Variants in ANKRD10 observed in about 807,000 individuals in gnomAD.
ANKRD10 encodes ankyrin repeat domain-containing protein 10.
ANKRD10 carries 14 observed loss-of-function variants against 27.0 expected under a neutral mutation model. That is an observed-to-expected ratio of 0.52 (90% CI 0.34 to 0.81). ANKRD10 has a LOEUF of 0.81. Among genes scored for constraint, ANKRD10 ranks in the 40% least tolerant of loss-of-function variants. The probability of loss-of-function intolerance (pLI) is 0.01; values close to 1 mark genes in which losing one functional copy is unlikely to be tolerated. For synonymous variants in ANKRD10, 250 were observed against 224.5 expected (o/e 1.11, Z -1.01); for missense variants, 493 against 544.0 (o/e 0.91, Z 0.93).
At chr13:110,895,753 G>C (rs1021823106) in intron 3 of ANKRD10, among the ~76,000 whole-genome samples, 3 of 152,170 alleles carry the variant, frequency 2.0e-5, no homozygotes, top group African/African-American at 4.8e-5. Context: ...CAAGTTTACT[G>C]ATCTTCCAAA....
chr13:110,900,102 T>C (rs2065343891), intron 3 of ANKRD10, among the ~76,000 whole-genome samples: 1 of 152,088 alleles, frequency 6.6e-6, no homozygotes, highest in Non-Finnish European at 1.5e-5. Flanking sequence ...TCACTAAAAT[T>C]TATATCTAAG....
intron 5 of ANKRD10, among the ~76,000 whole-genome samples, chr13:110,882,123 C>T (rs891310221): frequency 4.6e-5 from 7 of 152,176 alleles, no homozygotes; most frequent in East Asian, 1.9e-4. Flanking sequence ...CCCTCCTATC[C>T]GAGCCCTTTC....
chr13:110,909,135 G>A (rs1471381506), intron 2 of ANKRD10, among the ~76,000 whole-genome samples: 1 of 152,160 alleles, frequency 6.6e-6, no homozygotes, highest in Non-Finnish European at 1.5e-5. Context: ...AAAAAGGTCT[G>A]GAAAGCAGTG....
chr13:110,900,587 C>A (rs769624030), intron 3 of ANKRD10: 1 of 1,351,730 alleles, frequency 7.4e-7, no homozygotes. Context: ...AATGCCACAA[C>A]TGTAAGGTTT....
chr13:110,886,484 G>A (rs916348346), intron 4 of ANKRD10, among the ~76,000 whole-genome samples: 1 of 152,190 alleles, frequency 6.6e-6, no homozygotes, highest in Non-Finnish European at 1.5e-5. Context: ...CAGAGCCTTG[G>A]ATAATGCTGT....
At chr13:110,912,854 G>T (rs1238673922) in intron 1 of ANKRD10, among the ~76,000 whole-genome samples, 1 of 152,188 alleles carries the variant, frequency 6.6e-6, no homozygotes, top group Non-Finnish European at 1.5e-5. Flanking sequence ...CTTCTCAGAA[G>T]GGAATGTTTG....
rs569635095 is a variant in ANKRD10, at chr13:110,878,755, A to C, written c.*882T>G. On this transcript the variant is annotated 3_prime_UTR_variant, in exon 6 of 6. Transcript: ENST00000267339. ...TTCTACAAAATCAAAAACTTAATGC[A>C]GTTTTATTAAGAGAGTCAAAATTCT... 34 of 152,802 alleles carry C rather than the reference A, an allele frequency of 2.2e-4. No individual in the cohort carries two copies. The highest frequency in any genetic ancestry group is 7.9e-4 in the African/African-American group (33 of 41,596). 9.5% of individuals were successfully genotyped at this position (152,802 alleles called of 1,614,324 possible).
At chr13:110,896,986 T>C (rs905323777) in intron 3 of ANKRD10, among the ~76,000 whole-genome samples, 2 of 81,544 alleles carry the variant, frequency 2.5e-5, no homozygotes, top group African/African-American at 1.3e-4. Flanking sequence ...TGTATAGGGA[T>C]TAAAAAAAAC....
At chr13:110,892,436 A>AAAAAAAAAAAAAAT (rs1555321016) in intron 4 of ANKRD10, among the ~76,000 whole-genome samples, 4 of 144,572 alleles carry the variant, frequency 2.8e-5, no homozygotes, top group African/African-American at 5.1e-5. Flanking sequence ...AAAAAAAAAA[A>AAAAAAAAAAAAAAT]TGGTGGGAGA....
Position 110,880,209 on chromosome 13 carries a change from A to G in ANKRD10, c.788-97T>C, listed in dbSNP as rs941404749. 1.0e-5 allele frequency: 11 copies of G among 1,095,218 alleles called. No homozygotes were observed. In the African/African-American group the frequency reaches 1.4e-4, roughly 14 times the overall value. 67.8% of individuals were successfully genotyped at this position (1,095,218 alleles called of 1,614,324 possible). On this transcript the variant is annotated intron_variant, in intron 5 of 5. Coordinates refer to ENST00000267339, the MANE Select transcript of ANKRD10 (RefSeq NM_017664.4). Reference sequence around the variant, plus strand: ...TGCCATTACAATTTTAAAGAATTTTAGTTTCTTTTTTTTCCTTTTAAACCA... The same window carrying G: ...TGCCATTACAATTTTAAAGAATTTTGGTTTCTTTTTTTTCCTTTTAAACCA...
At chr13:110,902,539 AAG>A (rs1408906660) in intron 3 of ANKRD10, among the ~76,000 whole-genome samples, 1 of 152,242 alleles carries the variant, frequency 6.6e-6, no homozygotes, top group Non-Finnish European at 1.5e-5. Context: ...TAAACTAGGC[AAG>A]AGAGACTTTT....
At chr13:110,914,608 A>G (rs1161425285) in intron 1 of ANKRD10, 117 bp downstream of exon 1, 3 of 1,410,214 alleles carry the variant, frequency 2.1e-6, no homozygotes, top group Non-Finnish European at 2.8e-6. Context: ...GGCGCCGTCG[A>G]TCCCGCTTCC....
At chr13:110,904,248 G>T (rs2065465113) in intron 3 of ANKRD10, 1 of 152,182 alleles carries the variant, frequency 6.6e-6, no homozygotes, top group South Asian at 2.1e-4. Context: ...ATAATGCAGG[G>T]TCTTGAGTGG....
intron 4 of ANKRD10, among the ~76,000 whole-genome samples, chr13:110,889,145 G>C (rs1199594211): frequency 1.3e-5 from 2 of 152,154 alleles, no homozygotes; most frequent in African/African-American, 4.8e-5. Flanking sequence ...AAAAATAATT[G>C]TATTGGGTTA....
At position 110,915,011 on chromosome 13, in the gene ANKRD10, C is replaced by T. The variant is rs1476530858; in HGVS notation, c.-77G>A. Reference sequence around the variant, plus strand: ...AGGACTCGAGAAGCCGCCGCCGCAGCACAAAGGAACGAGACTAGCGCCGCG... The same window carrying T: ...AGGACTCGAGAAGCCGCCGCCGCAGTACAAAGGAACGAGACTAGCGCCGCG... On this transcript the variant is annotated 5_prime_UTR_variant, in exon 1 of 6. Coordinates refer to ENST00000267339, the MANE Select transcript of ANKRD10 (RefSeq NM_017664.4). 1.4e-6 allele frequency: 2 copies of T among 1,477,280 alleles called. No individual in the cohort carries two copies. Among genetic ancestry groups the T allele is most frequent in the African/African-American group, 1.4e-5 (1 of 71,050 alleles). The allele number at this position is 1,477,280 out of a possible 1,614,324, so 91.5% of individuals were successfully genotyped here.
At chr13:110,899,021 T>A (rs556962981) in intron 3 of ANKRD10, 1 of 152,400 alleles carries the variant, frequency 6.6e-6, no homozygotes, top group South Asian at 2.1e-4. Flanking sequence ...CCTCCCAAAG[T>A]GCTGGGATTA....
At chr13:110,900,771 T>C (rs2065360142) in intron 3 of ANKRD10, 2 of 965,638 alleles carry the variant, frequency 2.1e-6, no homozygotes, top group South Asian at 2.7e-5. Flanking sequence ...TGGTTCATAA[T>C]ACAGGAAACT....
Position 110,884,719 on chromosome 13 carries a change from A to G in ANKRD10, c.692-926T>C, listed in dbSNP as rs2064883740. Among the ~76,000 whole-genome samples, 3 of 152,172 alleles carry G rather than the reference A, an allele frequency of 2.0e-5. No homozygotes were observed. The South Asian group carries it at 6.2e-4, about 32-fold the overall frequency. On this transcript the variant is annotated intron_variant, in intron 4 of 5. Coordinates refer to ENST00000267339, the MANE Select transcript of ANKRD10 (RefSeq NM_017664.4). ...CTTCCTATCATGAATACCACAATTA[A>G]CATACTCATAAATGCATTTTTATGT...
chr13:110,896,370 T>C (rs1267037815), intron 3 of ANKRD10, among the ~76,000 whole-genome samples: 1 of 152,230 alleles, frequency 6.6e-6, no homozygotes, highest in Non-Finnish European at 1.5e-5. Context: ...ACAGTTTAAT[T>C]TGTTAGCATT....
Sources: gnomAD v4.1 joint callset for allele counts (sites outside exome capture counted in the v4.1 genomes callset) on GRCh38, gnomAD v4.1.1 for gene constraint, MANE v1.5 for transcripts, NCBI Gene and HGNC (gene_info 2026-07-23, HGNC 2026-07-21) for gene names.